The following EPB41L2 variants were observed in gnomAD, a reference collection of about 807,000 sequenced individuals.
EPB41L2 encodes the protein erythrocyte membrane protein band 4.1 like 2, also known as band 4.1-like protein 2.
Under a neutral mutation model 113.0 loss-of-function variants are expected in EPB41L2, and 43 were observed. The observed-to-expected ratio is 0.38, with a 90% CI of 0.30 to 0.49. EPB41L2 has a LOEUF of 0.49. Ranked by LOEUF, EPB41L2 falls within the 20% of genes least tolerant of loss-of-function variation. The probability of loss-of-function intolerance (pLI) is 0.95; values close to 1 mark genes in which losing one functional copy is unlikely to be tolerated. For synonymous variants in EPB41L2, 442 were observed against 436.7 expected (o/e 1.01, Z -0.15); for missense variants, 1,147 against 1,223.4 (o/e 0.94, Z 0.93).
At chr6:130,922,690 A>G (rs1458054313) in intron 4 of EPB41L2, among the ~76,000 whole-genome samples, 3 of 152,156 alleles carry the variant, frequency 2.0e-5, no homozygotes, top group Non-Finnish European at 4.4e-5. Context: ...CCTGCTGCCT[A>G]GTGAGAATAC....
At chr6:130,878,698 A>G (rs1435141882) in intron 13 of EPB41L2, 2 of 154,036 alleles carry the variant, frequency 1.3e-5, no homozygotes, top group Non-Finnish European at 2.9e-5. Flanking sequence ...GAAATCAAGT[A>G]CAAAATAGAG....
At chr6:130,936,963 T>C (rs1809026431) in intron 3 of EPB41L2, among the ~76,000 whole-genome samples, 1 of 152,244 alleles carries the variant, frequency 6.6e-6, no homozygotes, top group Non-Finnish European at 1.5e-5. Flanking sequence ...CCTGGGCATC[T>C]GTAACTTTTT....
chr6:131,046,910 A>G (rs1795573359), intron 1 of EPB41L2, among the ~76,000 whole-genome samples: 1 of 152,234 alleles, frequency 6.6e-6, no homozygotes, highest in African/African-American at 2.4e-5. Context: ...GATTCAAGAT[A>G]GTTACCCGTG....
intron 1 of EPB41L2, among the ~76,000 whole-genome samples, chr6:131,061,528 T>C (rs761921770): frequency 6.6e-6 from 1 of 152,188 alleles, no homozygotes; most frequent in Non-Finnish European, 1.5e-5. Context: ...CAAGATTGCA[T>C]TGCAATGCAG....
At chr6:131,046,078 ATT>A (rs36055181) in intron 1 of EPB41L2, among the ~76,000 whole-genome samples, 188 of 123,948 alleles carry the variant, frequency 1.5e-3, no homozygotes, top group Admixed American at 1.7e-3. Flanking sequence ...TCCGAAGCTA[ATT>A]TTTTTTTTTT....
intron 3 of EPB41L2, among the ~76,000 whole-genome samples, chr6:130,946,424 A>T (rs923480176): frequency 1.3e-5 from 2 of 152,162 alleles, no homozygotes; most frequent in African/African-American, 4.8e-5. Context: ...TGGCATAAAA[A>T]TTTTTTATCC....
intron 4 of EPB41L2, among the ~76,000 whole-genome samples, chr6:130,909,634 ACC>A (rs1798741439): frequency 6.6e-6 from 1 of 152,098 alleles, no homozygotes; most frequent in Non-Finnish European, 1.5e-5. Context: ...TATTTAGAAA[ACC>A]CCATTGTCTC....
At chr6:131,058,538 A>G (rs903721007) in intron 1 of EPB41L2, among the ~76,000 whole-genome samples, 6 of 152,224 alleles carry the variant, frequency 3.9e-5, no homozygotes, top group Non-Finnish European at 8.8e-5. Flanking sequence ...TCTATCAAAG[A>G]ATCTTCACTA....
intron 3 of EPB41L2, among the ~76,000 whole-genome samples, chr6:130,932,908 T>C (rs1419100815): frequency 2.0e-5 from 3 of 152,248 alleles, no homozygotes; most frequent in African/African-American, 7.2e-5. Flanking sequence ...ACCTAGCTGA[T>C]GGACTACCAA....
At chr6:131,009,768 G>A (rs1786476887) in intron 1 of EPB41L2, among the ~76,000 whole-genome samples, 1 of 151,976 alleles carries the variant, frequency 6.6e-6, no homozygotes. Context: ...TTAAATACAG[G>A]AAAATTTACT....
At chr6:131,001,340 C>G (rs932194949) in intron 1 of EPB41L2, among the ~76,000 whole-genome samples, 1 of 151,936 alleles carries the variant, frequency 6.6e-6, no homozygotes. Flanking sequence ...AAAGAGAGCA[C>G]GTGAGCGCGA....
intron 1 of EPB41L2, among the ~76,000 whole-genome samples, chr6:130,991,418 T>G (rs1781840078): frequency 6.6e-6 from 1 of 152,162 alleles, no homozygotes. Flanking sequence ...ATATTCTTAT[T>G]TAATAAATTT....
chr6:131,030,208 A>G lies in EPB41L2; in HGVS notation c.-15+32947T>C, dbSNP rs115820313. ...CAGGGCCTGATCCCTTCCTTGACCAATGGATAGAGGAACCTCTCATAGCAC... is the reference window on the plus strand; with the variant it reads ...CAGGGCCTGATCCCTTCCTTGACCAGTGGATAGAGGAACCTCTCATAGCAC... On this transcript the variant is annotated intron_variant, in intron 1 of 19. Coordinates refer to ENST00000337057, the MANE Select transcript of EPB41L2 (RefSeq NM_001431.4). 3.8e-3 allele frequency among the ~76,000 whole-genome samples: 577 copies of G among 152,296 alleles called. 4 individuals are homozygous for G. Among genetic ancestry groups the G allele is most frequent in the African/African-American group, 0.013 (560 of 41,572 alleles).
rs142570288 is a variant in EPB41L2 at position 130,858,088 on chromosome 6, G to C, written c.*5+43C>G. On this transcript the variant is annotated intron_variant, in intron 19 of 19. Transcript: ENST00000337057. Reference sequence around the variant, plus strand: ...ATCCTTTCACAAGTTCAGGAGTACAGAGCAGTCACTAGAAAGGCCACAGAC... The same window carrying C: ...ATCCTTTCACAAGTTCAGGAGTACACAGCAGTCACTAGAAAGGCCACAGAC... The C allele has an allele frequency of 1.0e-3, 1,407 of 1,410,258 alleles. 16 individuals carry two copies. In the African/African-American group the frequency reaches 0.018, roughly 18 times the overall value. The allele number at this position is 1,410,258 out of a possible 1,614,324, so 87.4% of individuals were successfully genotyped here. A position where few individuals can be genotyped will look rare whatever the true frequency, so the allele number is the denominator to read the frequency against.
chr6:130,869,974 T>C lies in EPB41L2; in HGVS notation c.2196A>G (p.Lys732=), dbSNP rs767521418. The C allele has an allele frequency of 1.2e-6, 2 of 1,613,774 alleles. No individual in the cohort carries two copies. The highest frequency in any genetic ancestry group is 1.7e-6 in the Non-Finnish European group (2 of 1,180,024). The change falls in exon 15 of 20, where the codon AAA becomes AAG. Residue 732 remains lysine, a synonymous_variant. Coordinates refer to ENST00000337057, the MANE Select transcript of EPB41L2 (RefSeq NM_001431.4). ...TCTCAGAAGACAGGGAGGTGGAGTC[T>C]TTTTGTGTCACAGGCTCCACCTTAC... ...EIRKVEPVTQ[K]DSTSLSSESS... is the part of the protein sequence containing the mutation.
At chr6:131,001,727 T>G (rs1270112048) in intron 1 of EPB41L2, among the ~76,000 whole-genome samples, 4 of 152,172 alleles carry the variant, frequency 2.6e-5, no homozygotes, top group Non-Finnish European at 5.9e-5. Context: ...TTTCCATTCT[T>G]TCTTCCTGTC....
At chr6:130,899,359 A>G (rs1583226523) in intron 8 of EPB41L2, 132 bp downstream of exon 8, 2 of 684,776 alleles carry the variant, frequency 2.9e-6, no homozygotes, top group Non-Finnish European at 5.0e-6. Flanking sequence ...CCAAGGAAAT[A>G]TTCCAGAGAC....
rs561684701 is a variant in EPB41L2, at chr6:130,987,418, C to G, written c.-14-30919G>C. Among the ~76,000 whole-genome samples the G allele has an allele frequency of 2.0e-5, 3 of 152,238 alleles. No homozygotes were observed. The East Asian group carries it at 5.8e-4, about 29-fold the overall frequency. On this transcript the variant is annotated intron_variant, in intron 1 of 19. Transcript: ENST00000337057. ...ACTAAATGTTGTTCTGAGGGTCAAGCGTGGTGGCTCATGCCTGTAATCCCA... is the reference window on the plus strand; with the variant it reads ...ACTAAATGTTGTTCTGAGGGTCAAGGGTGGTGGCTCATGCCTGTAATCCCA...
chr6:131,056,254 T>C (rs780200065), intron 1 of EPB41L2, among the ~76,000 whole-genome samples: 3 of 152,336 alleles, frequency 2.0e-5, no homozygotes, highest in Non-Finnish European at 2.9e-5. Flanking sequence ...TAATAGGCTT[T>C]TTTCAACAAG....
Sources: gnomAD v4.1 joint callset for allele counts (sites outside exome capture counted in the v4.1 genomes callset) on GRCh38, gnomAD v4.1.1 for gene constraint, MANE v1.5 for transcripts, NCBI Gene and HGNC (gene_info 2026-07-23, HGNC 2026-07-21) for gene names.